The following PHRF1 variants were observed in gnomAD, a reference collection of about 807,000 sequenced individuals.
PHRF1 encodes PHD and ring finger domains 1.
PHRF1 carries 53 observed loss-of-function variants against 128.9 expected under a neutral mutation model. The observed-to-expected ratio is 0.41, with a 90% CI of 0.33 to 0.52. The LOEUF (loss-of-function observed/expected upper bound fraction) is 0.52, where lower values mean the gene tolerates loss of function less well. Among genes scored for constraint, PHRF1 ranks in the 20% least tolerant of loss-of-function variants. PHRF1 has a pLI of 0.21. For synonymous variants in PHRF1, 1,178 were observed against 980.6 expected (o/e 1.20, Z -3.76); for missense variants, 2,503 against 2,284.5 (o/e 1.10, Z -1.95).
intron 6 of PHRF1, among the ~76,000 whole-genome samples, chr11:595,120 C>T (rs751267974): frequency 8.5e-5 from 13 of 152,092 alleles, no homozygotes; most frequent in Admixed American, 2.6e-4. Context: ...CTCAGGAGTT[C>T]GAGACCAGCC....
In PHRF1 at chr11:597,087, G is replaced by T; in HGVS notation, c.718+67G>T. On this transcript the variant is annotated intron_variant, in intron 7 of 17. Coordinates refer to ENST00000264555, the MANE Select transcript of PHRF1 (RefSeq NM_001286581.2). The surrounding 1 kb of genome is among the most constrained non-coding windows in gnomAD (Gnocchi z 6.5). ...TCACTGTCCACTCTGCGGTCCCCGG[G>T]GTTAGGTTTGGCTGCTGTGTGGGGA... 1 of 1,508,478 alleles carries T rather than the reference G, an allele frequency of 6.6e-7. No homozygotes were observed. Among genetic ancestry groups the T allele is most frequent in the Non-Finnish European group, 9.1e-7 (1 of 1,102,870 alleles). 93.4% of individuals were successfully genotyped at this position (1,508,478 alleles called of 1,614,324 possible). A position where few individuals can be genotyped will look rare whatever the true frequency, so the allele number is the denominator to read the frequency against.
At chr11:587,570 T>G in intron 4 of PHRF1, 106 bp downstream of exon 4, 1 of 1,166,798 alleles carries the variant, frequency 8.6e-7, no homozygotes, top group South Asian at 1.4e-5. Context: ...TTGTCTGCTC[T>G]GCGGCTGACC....
At chr11:586,025 C>G (rs1246497740) in intron 3 of PHRF1, among the ~76,000 whole-genome samples, 1 of 151,824 alleles carries the variant, frequency 6.6e-6, no homozygotes, top group Non-Finnish European at 1.5e-5. Flanking sequence ...CCACACCCGG[C>G]TATTTTTGTA....
At position 581,625 on chromosome 11, in the gene PHRF1, G is replaced by A. The variant is rs1162851241; in HGVS notation, c.94+19G>A. 3 of 1,597,294 alleles carry A rather than the reference G, an allele frequency of 1.9e-6. No individual in the cohort carries two copies. Among genetic ancestry groups the A allele is most frequent in the Non-Finnish European group, 2.6e-6 (3 of 1,169,874 alleles). On this transcript the variant is annotated intron_variant, in intron 2 of 17. Transcript: ENST00000264555. ...GACTTTGGTGAGCTGCCTAGCGCCG[G>A]GTAGGGGCGTCCCCAGGAGGAGCAG... is the stretch of plus-strand genomic sequence containing the variant.
rs752047261 is a variant in PHRF1 at position 608,691 on chromosome 11, C to T, written c.3235C>T (p.Arg1079Trp). Residue 1079 changes from arginine to tryptophan, a missense_variant, in exon 14 of 18, where the codon CGG (arginine) becomes TGG (tryptophan). Arg to Trp is a moderately radical substitution (Grantham distance 101). Coordinates refer to ENST00000264555, the MANE Select transcript of PHRF1 (RefSeq NM_001286581.2). ...KAKDKSREHR[R>W]GPWGHSRRTS... ...CAAGGACAAGAGCAGGGAGCACAGG[C>T]GGGGCCCCTGGGGCCACAGCCGGAG... 8.7e-6 allele frequency: 14 copies of T among 1,611,618 alleles called. No individual in the cohort carries two copies. The highest frequency in any genetic ancestry group is 4.5e-5 in the East Asian group (2 of 44,868).
chr11:582,846 A>G (rs1407200190), intron 3 of PHRF1, among the ~76,000 whole-genome samples: 1 of 150,030 alleles, frequency 6.7e-6, no homozygotes, highest in Admixed American at 6.6e-5. Flanking sequence ...GAGCCTGGCC[A>G]GCATAGTGAA....
intron 9 of PHRF1, among the ~76,000 whole-genome samples, chr11:600,090 C>T (rs1855538714): frequency 1.3e-5 from 2 of 152,112 alleles, no homozygotes; most frequent in South Asian, 4.2e-4. Flanking sequence ...GTCCACCTGC[C>T]TCGGCCTCCC....
intron 6 of PHRF1, among the ~76,000 whole-genome samples, chr11:596,504 T>C (rs1304053019): frequency 6.6e-6 from 1 of 152,074 alleles, no homozygotes; most frequent in African/African-American, 2.4e-5. Context: ...GGCCTGTGGG[T>C]GTGTGTCGTG....
chr11:599,615 C>T (rs1018246049), intron 9 of PHRF1, among the ~76,000 whole-genome samples: 8 of 152,156 alleles, frequency 5.3e-5, no homozygotes, highest in African/African-American at 1.9e-4. Context: ...CTAGGTTTGA[C>T]AGACGTAACT....
At chr11:604,143 T>G (rs990366460) in intron 10 of PHRF1, among the ~76,000 whole-genome samples, 1 of 152,236 alleles carries the variant, frequency 6.6e-6, no homozygotes, top group Non-Finnish European at 1.5e-5. Flanking sequence ...TCCCCTGGGC[T>G]CTCCCTTTGC....
chr11:591,229 G>T (rs542880960), intron 4 of PHRF1, among the ~76,000 whole-genome samples, 155 bp from the exon 5 acceptor site: 2 of 152,298 alleles, frequency 1.3e-5, no homozygotes, highest in South Asian at 2.1e-4. Context: ...GGCAAGGCTC[G>T]CTGTGCTCCC....
chr11:603,882 T>C (rs1855796060), intron 10 of PHRF1, among the ~76,000 whole-genome samples: 1 of 151,944 alleles, frequency 6.6e-6, no homozygotes, highest in Non-Finnish European at 1.5e-5. Flanking sequence ...TTTGTATTTT[T>C]AGTAGAGATG....
At chr11:599,445 T>G (rs1855504718) in intron 9 of PHRF1, among the ~76,000 whole-genome samples, 1 of 151,968 alleles carries the variant, frequency 6.6e-6, no homozygotes, top group Non-Finnish European at 1.5e-5. Flanking sequence ...GAGATGGGGC[T>G]TCACCATGTT....
rs371787558 is a variant in PHRF1 at position 609,508 on chromosome 11, C to A, written c.4052C>A (p.Ala1351Glu). ...GAGCCACATTTGCTCAGGCCGGACG[C>A]GGCTGAGAAGGCTGAGGCACCCAGT... ...TQEPHLLRPD[A>E]AEKAEAPSSP... The change falls in exon 14 of 18, where the codon GCG (alanine) becomes GAG (glutamate). Residue 1351 changes from alanine (A) to glutamate (E), a missense_variant. Ala to Glu is a moderately radical substitution (Grantham distance 107, BLOSUM62 -1). Coordinates refer to ENST00000264555, the MANE Select transcript of PHRF1 (RefSeq NM_001286581.2). 2 of 1,602,874 alleles carry A rather than the reference C, an allele frequency of 1.2e-6. No individual in the cohort carries two copies. The highest frequency in any genetic ancestry group is 1.3e-5 in the African/African-American group (1 of 74,832).
chr11:609,184 C>T lies in PHRF1; in HGVS notation c.3728C>T (p.Pro1243Leu), dbSNP rs1404083245. 1.9e-6 allele frequency: 3 copies of T among 1,607,462 alleles called. No individual in the cohort carries two copies. The highest frequency in any genetic ancestry group is 4.5e-5 in the East Asian group (2 of 44,880). Residue 1243 changes from proline (P) to leucine (L), a missense_variant, in exon 14 of 18, where the codon CCC becomes CTC. Physicochemically the swap from Pro to Leu is moderately conservative, Grantham distance 98. Transcript: ENST00000264555. Reference protein sequence around the residue: ...ATADKAPLQAPPVLEVAAECE... With the variant: ...ATADKAPLQALPVLEVAAECE... ...GCCGACAAGGCCCCCCTGCAGGCTC[C>T]CCCTGTCCTGGAGGTGGCAGCTGAG...
rs760222586 is a variant in PHRF1, at chr11:610,339, C to A, written c.4408C>A (p.Pro1470Thr). 1.2e-5 allele frequency: 18 copies of A among 1,563,706 alleles called. No individual in the cohort carries two copies. Among genetic ancestry groups the A allele is most frequent in the South Asian group, 2.4e-5 (2 of 84,770 alleles). The stretch of plus-strand genomic sequence containing the variant: ...GGAACCCGGGTTCCCAGACACAGAC[C>A]CCTCTCAGGTGGGTGTCTGGGCTGG... The part of the protein sequence containing the change: ...LPEPGFPDTD[P>T]SQVYSPGLPP... The change falls in exon 15 of 18, where the codon CCC (proline) becomes ACC (threonine). Residue 1470 changes from proline to threonine, a missense_variant. Physicochemically the swap from Pro to Thr is conservative, Grantham distance 38. Coordinates refer to ENST00000264555, the MANE Select transcript of PHRF1 (RefSeq NM_001286581.2).
chr11:592,720 G>A (rs1564848204), intron 6 of PHRF1, 46 bp downstream of exon 6: 1 of 1,588,162 alleles, frequency 6.3e-7, no homozygotes, highest in Non-Finnish European at 8.6e-7. Flanking sequence ...TGCGTGCAAG[G>A]CGGGCCAGGC....
chr11:611,200 G>T (rs1480348127), intron 17 of PHRF1, 118 bp downstream of exon 17: 1 of 1,495,290 alleles, frequency 6.7e-7, no homozygotes, highest in African/African-American at 1.4e-5. Context: ...AGCCAGCCAG[G>T]TTAGGGGTCA....
chr11:608,016 C>T lies in PHRF1; in HGVS notation c.2560C>T (p.Leu854Phe), dbSNP rs761674264. The change falls in exon 14 of 18, where the codon CTC (leucine) becomes TTC (phenylalanine). Residue 854 changes from leucine (L) to phenylalanine (F), a missense_variant. Coordinates refer to ENST00000264555, the MANE Select transcript of PHRF1 (RefSeq NM_001286581.2). ...CAGCCCCGAGAGGTCTGGCCCCGGC[C>T]TCCTGCCCTCTGAGATCACACGAAC... Reference protein sequence around the residue: ...GSSPERSGPGLLPSEITRTIS... With the variant: ...GSSPERSGPGFLPSEITRTIS... 1 of 1,611,220 alleles carries T rather than the reference C, an allele frequency of 6.2e-7. No individual in the cohort carries two copies. Among genetic ancestry groups the T allele is most frequent in the Admixed American group, 1.7e-5 (1 of 60,034 alleles).
Sources: gnomAD v4.1 joint callset for allele counts (sites outside exome capture counted in the v4.1 genomes callset) on GRCh38, gnomAD v4.1.1 for gene constraint, Gnocchi (gnomAD v3.1) non-coding constraint, MANE v1.5 for transcripts, NCBI Gene and HGNC (gene_info 2026-07-23, HGNC 2026-07-21) for gene names.